Variants in ZMAT4 observed in about 807,000 individuals in gnomAD.
The protein encoded by ZMAT4 is zinc finger matrin-type protein 4.
In ZMAT4, 17 loss-of-function variants were observed where a neutral mutation model predicts 28.7. The ratio of observed to expected loss-of-function variants is 0.59; its 90% CI spans 0.41 to 0.89. The LOEUF (loss-of-function observed/expected upper bound fraction) is 0.89. Among genes scored for constraint, ZMAT4 ranks in the 40% least tolerant of loss-of-function variants. The pLI, the probability that ZMAT4 is intolerant of heterozygous loss-of-function variation, is 0.00. For missense variants in ZMAT4, 240 were observed against 283.8 expected (o/e 0.85, Z 1.11); for synonymous variants, 117 against 109.2 (o/e 1.07, Z -0.44).
At chr8:40,707,246 A>G (rs1368605071) in intron 3 of ZMAT4, among the ~76,000 whole-genome samples, 1 of 33,554 alleles carries the variant, frequency 3.0e-5, no homozygotes, top group African/African-American at 1.2e-4. Context: ...ATCTGACAGC[A>G]CTAAGCATAT....
chr8:40,760,758 C>T (rs1276644636), intron 3 of ZMAT4, among the ~76,000 whole-genome samples: 2 of 151,192 alleles, frequency 1.3e-5, no homozygotes, highest in South Asian at 2.1e-4. Flanking sequence ...CTCTCTCTGT[C>T]GCGGTCTCTC....
chr8:40,646,164 C>T (rs563750060), intron 5 of ZMAT4, among the ~76,000 whole-genome samples: 2 of 151,784 alleles, frequency 1.3e-5, no homozygotes, highest in East Asian at 1.9e-4. Flanking sequence ...GTTTAATTCA[C>T]TTATAATTAA....
At chr8:40,653,275 A>G (rs1310648478) in intron 5 of ZMAT4, among the ~76,000 whole-genome samples, 1 of 152,102 alleles carries the variant, frequency 6.6e-6, no homozygotes, top group African/African-American at 2.4e-5. Context: ...GATATTTATA[A>G]CTATAAATAA....
intron 2 of ZMAT4, among the ~76,000 whole-genome samples, chr8:40,801,219 T>C (rs1814815584): frequency 1.3e-5 from 2 of 151,194 alleles, no homozygotes. Flanking sequence ...AGAAATTGAA[T>C]TAATAATGGC....
chr8:40,857,101 C>G (rs1405287752), intron 1 of ZMAT4, among the ~76,000 whole-genome samples: 1 of 152,078 alleles, frequency 6.6e-6, no homozygotes, highest in African/African-American at 2.4e-5. Flanking sequence ...AGCCTGGTTA[C>G]CTGGAGGGAG....
At chr8:40,805,795 G>C (rs1213658732) in intron 2 of ZMAT4, among the ~76,000 whole-genome samples, 2 of 124,052 alleles carry the variant, frequency 1.6e-5, no homozygotes, top group South Asian at 3.5e-4. Flanking sequence ...GTTGTGGGGT[G>C]GGGGGAGGGG....
chr8:40,749,289 T>G (rs1812365155), intron 3 of ZMAT4, among the ~76,000 whole-genome samples: 1 of 152,208 alleles, frequency 6.6e-6, no homozygotes, highest in Admixed American at 6.5e-5. Context: ...AATGAGCACC[T>G]GTCTCTCACC....
At chr8:40,734,288 T>TA (rs1332693701) in intron 3 of ZMAT4, among the ~76,000 whole-genome samples, 7 of 152,066 alleles carry the variant, frequency 4.6e-5, no homozygotes, top group Admixed American at 2.0e-4. Flanking sequence ...ACTGCAACAA[T>TA]AAAAAACACC....
Position 40,674,890 on chromosome 8 carries a change from C to G in ZMAT4, c.391G>C (p.Ala131Pro). ...TGATAGGGAGATGCGACCACCGGAGCAGTGTCCATCCGTGGGGGCTTAAGT... is the reference window on the plus strand; with the variant it reads ...TGATAGGGAGATGCGACCACCGGAGGAGTGTCCATCCGTGGGGGCTTAAGT... ...SPLKPPRMDT[A>P]PVVASPYQRR... The change falls in exon 5 of 7, where the codon GCT becomes CCT. Residue 131 changes from alanine (A) to proline (P), a missense_variant. Physicochemically the swap from Ala to Pro is conservative, Grantham distance 27. Transcript: ENST00000297737. 1 of 1,613,498 alleles carries G rather than the reference C, an allele frequency of 6.2e-7. No homozygotes were observed. Among genetic ancestry groups the G allele is most frequent in the Non-Finnish European group, 8.5e-7 (1 of 1,179,892 alleles).
chr8:40,771,194 T>C (rs964079242), intron 2 of ZMAT4, among the ~76,000 whole-genome samples: 5 of 151,244 alleles, frequency 3.3e-5, no homozygotes, highest in African/African-American at 1.2e-4. Flanking sequence ...ATAAAGGTTT[T>C]TAAATGTATA....
intron 5 of ZMAT4, among the ~76,000 whole-genome samples, chr8:40,636,734 A>G (rs1427306997): frequency 6.6e-6 from 1 of 152,198 alleles, no homozygotes; most frequent in Non-Finnish European, 1.5e-5. Context: ...AGTTTGTCTT[A>G]GACGATCAAG....
intron 5 of ZMAT4, among the ~76,000 whole-genome samples, chr8:40,640,908 G>A (rs1254613280): frequency 3.3e-5 from 5 of 149,260 alleles, no homozygotes; most frequent in African/African-American, 7.4e-5. Context: ...GCAGTGGGCC[G>A]AGATTGCACC....
At chr8:40,728,319 A>G (rs1298850608) in intron 3 of ZMAT4, among the ~76,000 whole-genome samples, 1 of 152,230 alleles carries the variant, frequency 6.6e-6, no homozygotes, top group Non-Finnish European at 1.5e-5. Context: ...ACTGAAACAA[A>G]CAAACTCTAA....
chr8:40,670,143 G>A (rs577924446), intron 5 of ZMAT4, among the ~76,000 whole-genome samples: 46 of 152,240 alleles, frequency 3.0e-4, no homozygotes, highest in African/African-American at 9.4e-4. Context: ...ACCTCATTTC[G>A]AGACTTCTAG....
intron 5 of ZMAT4, among the ~76,000 whole-genome samples, chr8:40,626,961 C>A (rs902024532): frequency 6.6e-6 from 1 of 152,184 alleles, no homozygotes; most frequent in African/African-American, 2.4e-5. Context: ...ACATATGACT[C>A]TAAAGCTTCT....
rs543111731 is a variant in ZMAT4, at chr8:40,534,650, T to A, written c.675-2412A>T. Among the ~76,000 whole-genome samples, 5 of 149,466 alleles carry A rather than the reference T, an allele frequency of 3.3e-5. No homozygotes were observed. The South Asian group carries it at 1.1e-3, about 32-fold the overall frequency. ...CCACAAACATGATGAAAACATGGCC[T>A]CAGTTTCACATTTGCACATTTGCTA... On this transcript the variant is annotated intron_variant, in intron 6 of 6. Transcript: ENST00000297737.
intron 2 of ZMAT4, among the ~76,000 whole-genome samples, chr8:40,779,832 G>T (rs948152804): frequency 6.6e-6 from 1 of 152,126 alleles, no homozygotes; most frequent in African/African-American, 2.4e-5. Flanking sequence ...GCTTCAGCTG[G>T]ATAGCACCTC....
chr8:40,787,992 A>G (rs1814157075), intron 2 of ZMAT4, among the ~76,000 whole-genome samples: 1 of 152,232 alleles, frequency 6.6e-6, no homozygotes, highest in Non-Finnish European at 1.5e-5. Flanking sequence ...AAAGGAAAAA[A>G]TATAAGTATT....
chr8:40,710,355 G>A (rs1022989934), intron 3 of ZMAT4, among the ~76,000 whole-genome samples: 1 of 152,050 alleles, frequency 6.6e-6, no homozygotes, highest in African/African-American at 2.4e-5. Flanking sequence ...ATCGTTTCCT[G>A]CGTCTTTGTG....
Sources: allele counts gnomAD v4.1 joint callset (sites outside exome capture counted in the v4.1 genomes callset), GRCh38; gene constraint gnomAD v4.1.1; transcripts MANE v1.5; gene names NCBI Gene and HGNC (gene_info 2026-07-23, HGNC 2026-07-21).